The following CRACR2A variants were observed in gnomAD, a reference collection of about 807,000 sequenced individuals.
CRACR2A encodes EF-hand calcium-binding domain-containing protein 4B.
Under a neutral mutation model 90.5 loss-of-function variants are expected in CRACR2A, and 79 were observed. The observed-to-expected ratio is 0.87, with a 90% CI of 0.73 to 1.05. The LOEUF (loss-of-function observed/expected upper bound fraction) is 1.05. Among genes scored for constraint, CRACR2A ranks in the 50% least tolerant of loss-of-function variants. The probability of loss-of-function intolerance (pLI) is 0.00; values close to 1 mark genes in which losing one functional copy is unlikely to be tolerated. For synonymous variants in CRACR2A, 338 were observed against 356.7 expected (o/e 0.95, Z 0.59); for missense variants, 823 against 897.2 (o/e 0.92, Z 1.06).
intron 7 of CRACR2A, among the ~76,000 whole-genome samples, chr12:3,663,119 A>G (rs992215682): frequency 1.6e-4 from 25 of 152,116 alleles, no homozygotes; most frequent in Non-Finnish European, 1.5e-5. Flanking sequence ...TGTTGTCTCA[A>G]TTAGGTTATA....
intron 18 of CRACR2A, among the ~76,000 whole-genome samples, chr12:3,618,345 AGTGAAAC>A (rs1867736715): frequency 6.6e-6 from 1 of 152,224 alleles, no homozygotes; most frequent in African/African-American, 2.4e-5. Flanking sequence ...CTATTTCTTC[AGTGAAAC>A]CTTTGACTAT....
In CRACR2A at chr12:3,746,098, ACCT is replaced by A. The variant is rs1348684121; in HGVS notation, c.-387+6914_-387+6916del. Among the ~76,000 whole-genome samples the A allele has an allele frequency of 6.6e-6, 1 of 151,894 alleles. No individual in the cohort carries two copies. Among genetic ancestry groups the A allele is most frequent in the East Asian group, 1.9e-4 (1 of 5,180 alleles). Reference sequence around the variant, plus strand: ...TACTTCTAGGTGCAGCTCAAATCCTACCTCCTCTCTAAAGCCATGAGAAATATA... The same window carrying A: ...TACTTCTAGGTGCAGCTCAAATCCTACCTCTCTAAAGCCATGAGAAATATA... On this transcript the variant is annotated intron_variant, in intron 1 of 19. Transcript: ENST00000440314. The surrounding 1 kb of genome is among the most constrained non-coding windows in gnomAD (Gnocchi z 4.4).
At chr12:3,650,746 G>A (rs141186345) in intron 10 of CRACR2A, among the ~76,000 whole-genome samples, 76 of 152,264 alleles carry the variant, frequency 5.0e-4, no homozygotes, top group African/African-American at 1.7e-3. Flanking sequence ...CTCACGGAGC[G>A]TTTTACCAAA....
intron 6 of CRACR2A, 56 bp downstream of exon 6, chr12:3,678,859 A>C: frequency 6.5e-7 from 1 of 1,528,248 alleles, no homozygotes; most frequent in African/African-American, 1.4e-5. Flanking sequence ...GAATGGACAC[A>C]GGAAGAGGTT....
intron 1 of CRACR2A, among the ~76,000 whole-genome samples, chr12:3,740,076 G>A (rs892357211): frequency 1.3e-5 from 2 of 152,040 alleles, no homozygotes; most frequent in Non-Finnish European, 2.9e-5. Flanking sequence ...ACTGCAAAAC[G>A]ACATATCCTG....
At chr12:3,635,277 C>A (rs1395701817) in intron 14 of CRACR2A, among the ~76,000 whole-genome samples, 1 of 152,120 alleles carries the variant, frequency 6.6e-6, no homozygotes, top group Non-Finnish European at 1.5e-5. Flanking sequence ...TGCCACAGGA[C>A]AATAAGATGG....
intron 2 of CRACR2A, among the ~76,000 whole-genome samples, chr12:3,715,765 C>T (rs574029688): frequency 2.8e-4 from 42 of 152,328 alleles, no homozygotes; most frequent in African/African-American, 9.4e-4. Context: ...ATGTTTGATA[C>T]ACTTTTTTAA....
At chr12:3,653,885 GT>G (rs1944845560) in intron 10 of CRACR2A, among the ~76,000 whole-genome samples, 1 of 152,154 alleles carries the variant, frequency 6.6e-6, no homozygotes, top group African/African-American at 2.4e-5. Context: ...GTAAGTACTT[GT>G]TTTATATAGT....
At chr12:3,621,967 A>T (rs1944152152) in intron 17 of CRACR2A, among the ~76,000 whole-genome samples, 1 of 152,154 alleles carries the variant, frequency 6.6e-6, no homozygotes, top group African/African-American at 2.4e-5. Context: ...GCCCAAGGTC[A>T]TCAGTCTCTG....
chr12:3,742,323 ACTC>A (rs1417900067), intron 1 of CRACR2A, among the ~76,000 whole-genome samples: 15 of 151,860 alleles, frequency 9.9e-5, no homozygotes, highest in African/African-American at 1.7e-4. Flanking sequence ...ATCTTCTTCC[ACTC>A]TATAGCTCTC....
At chr12:3,663,555 C>A (rs1945077067) in intron 7 of CRACR2A, among the ~76,000 whole-genome samples, 1 of 152,194 alleles carries the variant, frequency 6.6e-6, no homozygotes, top group Non-Finnish European at 1.5e-5. Context: ...TCCGGTCAAG[C>A]CTCTCCACTT....
In CRACR2A at chr12:3,748,005, G is replaced by A. The variant is rs543576780; in HGVS notation, c.-387+5010C>T. Among the ~76,000 whole-genome samples the A allele has an allele frequency of 1.7e-3, 255 of 149,248 alleles. 7 individuals are homozygous for A. The highest frequency in any genetic ancestry group is 6.3e-3 in the African/African-American group (244 of 38,956). The stretch of plus-strand genomic sequence containing the variant: ...TTCCACAGGCTCAGGGGTACACCCA[G>A]AAGGGCACAGAGTTCCACAGGCTCA... On this transcript the variant is annotated intron_variant, in intron 1 of 19. Coordinates refer to ENST00000440314, the MANE Select transcript of CRACR2A (RefSeq NM_001144958.2).
At chr12:3,640,887 C>A in intron 13 of CRACR2A, 1 of 1,205,114 alleles carries the variant, frequency 8.3e-7, no homozygotes, top group Non-Finnish European at 1.1e-6. Flanking sequence ...CATGTGCTGC[C>A]CAAGAGCAAC....
At chr12:3,674,089 G>A (rs73047301) in intron 6 of CRACR2A, among the ~76,000 whole-genome samples, 22,464 of 152,194 alleles carry the variant, frequency 0.15, 1,835 homozygotes, top group South Asian at 0.26. Flanking sequence ...CACACACTAT[G>A]GAGCTAAAGC....
chr12:3,667,683 C>T (rs1945172729), intron 7 of CRACR2A, among the ~76,000 whole-genome samples: 1 of 152,108 alleles, frequency 6.6e-6, no homozygotes, highest in African/African-American at 2.4e-5. Flanking sequence ...CCCTCTGCCA[C>T]CTTCTTCAGG....
chr12:3,750,405 C>T (rs540746646), intron 1 of CRACR2A, among the ~76,000 whole-genome samples: 47 of 152,258 alleles, frequency 3.1e-4, no homozygotes, highest in South Asian at 1.5e-3. Context: ...TTTCTCCATC[C>T]GTAAAATAGG....
chr12:3,680,261 G>T lies in CRACR2A; in HGVS notation c.317C>A (p.Pro106Gln). The T allele has an allele frequency of 6.2e-7, 1 of 1,614,100 alleles. No individual in the cohort carries two copies. Among genetic ancestry groups the T allele is most frequent in the East Asian group, 2.2e-5 (1 of 44,886 alleles). ...ACTAAATCCAGTAGTGAACTCCTGT[G>T]GGGTCAGATAGCCATTGCCATCAGC... ...LDADGNGYLT[P>Q]QEFTTGFSHF... Residue 106 changes from proline (P) to glutamine (Q), a missense_variant, in exon 5 of 20, where the codon CCA (proline) becomes CAA (glutamine). Pro to Gln is a moderately conservative substitution (Grantham distance 76). Transcript: ENST00000440314.
At chr12:3,623,489 G>A (rs1056125162) in intron 17 of CRACR2A, among the ~76,000 whole-genome samples, 3 of 152,122 alleles carry the variant, frequency 2.0e-5, no homozygotes, top group Admixed American at 6.5e-5. Flanking sequence ...TGTACAGGCT[G>A]GCGTTCTAAT....
chr12:3,657,826 G>A (rs1040791621), intron 8 of CRACR2A, among the ~76,000 whole-genome samples: 2 of 152,148 alleles, frequency 1.3e-5, no homozygotes, highest in Admixed American at 6.5e-5. Context: ...AGGACAGGGC[G>A]TTCAGGGGGT....
Sources: allele counts gnomAD v4.1 joint callset (sites outside exome capture counted in the v4.1 genomes callset), GRCh38; gene constraint gnomAD v4.1.1; non-coding constraint Gnocchi (gnomAD v3.1); transcripts MANE v1.5; gene names NCBI Gene and HGNC (gene_info 2026-07-23, HGNC 2026-07-21).